Variants in ZCCHC7 observed in about 807,000 individuals in gnomAD.
ZCCHC7 encodes zinc finger CCHC domain-containing protein 7.
Under a neutral mutation model 52.0 loss-of-function variants are expected in ZCCHC7, and 35 were observed. The observed-to-expected ratio is 0.67, with a 90% CI of 0.51 to 0.89. The LOEUF is 0.89. Ranked by LOEUF, ZCCHC7 falls within the 40% of genes least tolerant of loss-of-function variation. The probability of loss-of-function intolerance (pLI) is 0.00; values close to 1 mark genes in which losing one functional copy is unlikely to be tolerated. For synonymous variants in ZCCHC7, 217 were observed against 221.5 expected (o/e 0.98, Z 0.18); for missense variants, 574 against 649.1 (o/e 0.88, Z 1.26).
Position 37,305,554 on chromosome 9 carries a change from G to A in ZCCHC7, c.791G>A (p.Arg264His). ...KNCPLPRKVR[R>H]CFLCSRRGHL... ...TTTTTCGCCACATAGAAAGTTCGTC[G>A]CTGCTTCCTGTGCTCCAGGAGAGGA... Residue 264 changes from arginine to histidine, a missense_variant, in exon 5 of 9, where the codon CGC (arginine) becomes CAC (histidine). Transcript: ENST00000336755. 11 of 1,613,490 alleles carry A rather than the reference G, an allele frequency of 6.8e-6. 1 individual carries two copies. The highest frequency in any genetic ancestry group is 3.4e-4 in the Middle Eastern group (2 of 5,848).
chr9:37,135,507 G>C (rs1018370055), intron 2 of ZCCHC7, among the ~76,000 whole-genome samples: 6 of 152,208 alleles, frequency 3.9e-5, no homozygotes, highest in African/African-American at 1.4e-4. Flanking sequence ...CCTGGTTTAT[G>C]ACTGTTATGG....
At chr9:37,345,330 A>C (rs1588701064) in intron 6 of ZCCHC7, among the ~76,000 whole-genome samples, 1 of 152,336 alleles carries the variant, frequency 6.6e-6, no homozygotes, top group African/African-American at 2.4e-5. Context: ...TTGTGGGTGG[A>C]AAATCATTTC....
chr9:37,269,638 A>AAAC (rs1827301261), intron 2 of ZCCHC7, among the ~76,000 whole-genome samples: 2 of 148,802 alleles, frequency 1.3e-5, no homozygotes, highest in African/African-American at 5.0e-5. Context: ...AAAAAAAAAA[A>AAAC]AAAAAAAACA....
At chr9:37,352,002 TGAA>T (rs1315844378) in intron 7 of ZCCHC7, among the ~76,000 whole-genome samples, 1 of 152,218 alleles carries the variant, frequency 6.6e-6, no homozygotes, top group Non-Finnish European at 1.5e-5. Context: ...TTTACACTAA[TGAA>T]GAAGATCATT....
chr9:37,349,304 G>A, intron 6 of ZCCHC7, 53 bp from the exon 7 acceptor site: 2 of 1,572,714 alleles, frequency 1.3e-6, no homozygotes, highest in South Asian at 2.3e-5. Context: ...GAAAGAATGA[G>A]GTTTTAATTT....
At chr9:37,253,746 C>T (rs1826441586) in intron 2 of ZCCHC7, among the ~76,000 whole-genome samples, 1 of 151,880 alleles carries the variant, frequency 6.6e-6, no homozygotes, top group South Asian at 2.1e-4. Context: ...GTCATCACAA[C>T]ATAGATTAAA....
intron 2 of ZCCHC7, chr9:37,205,377 T>A (rs1823849587): frequency 6.2e-6 from 1 of 161,476 alleles, no homozygotes. Context: ...ATTATCAGGT[T>A]CCTCCCTTAC....
rs555350990 is a variant in ZCCHC7 at position 37,348,238 on chromosome 9, A to G, written c.988-1119A>G. On this transcript the variant is annotated intron_variant, in intron 6 of 8. Transcript: ENST00000336755. ...TAAACTTGCTCCTCTTTCTTTTTCT[A>G]CTTTTTCTGAATCAATCCTTGTTCA... Among the ~76,000 whole-genome samples, 7 of 151,974 alleles carry G rather than the reference A, an allele frequency of 4.6e-5. No homozygotes were observed. The East Asian group carries it at 1.4e-3, about 29-fold the overall frequency.
chr9:37,121,736 G>C (rs929881004), intron 1 of ZCCHC7: 29 of 152,190 alleles, frequency 1.9e-4, no homozygotes, highest in African/African-American at 6.5e-4. Flanking sequence ...TTTCCGGATA[G>C]GATTAGTTCT....
chr9:37,201,531 C>G (rs1422998153), intron 2 of ZCCHC7, among the ~76,000 whole-genome samples: 2 of 152,170 alleles, frequency 1.3e-5, no homozygotes, highest in Admixed American at 6.5e-5. Flanking sequence ...GTTTTCTATG[C>G]TATTTTATTT....
At chr9:37,251,816 A>G (rs1443921400) in intron 2 of ZCCHC7, among the ~76,000 whole-genome samples, 1 of 152,176 alleles carries the variant, frequency 6.6e-6, no homozygotes, top group Non-Finnish European at 1.5e-5. Flanking sequence ...ACTAGAGAGT[A>G]TCACCAGTAT....
rs60166399 is a variant in ZCCHC7, at chr9:37,249,456, C to CT, written c.611-52712dup. 3.8e-3 allele frequency among the ~76,000 whole-genome samples: 425 copies of CT among 111,244 alleles called. 7 individuals are homozygous for CT. Among genetic ancestry groups the CT allele is most frequent in the East Asian group, 0.013 (54 of 4,290 alleles). 73.0% of individuals were successfully genotyped at this position (111,244 alleles called of 152,430 possible). On this transcript the variant is annotated intron_variant, in intron 2 of 8. Transcript: ENST00000336755. ...TTGTACTTATATTTTCTTCTTCTTC[C>CT]TTTTTTTTTTTTTTTTTTTTATTTG...
At chr9:37,240,749 C>T (rs1379307670) in intron 2 of ZCCHC7, among the ~76,000 whole-genome samples, 1 of 151,722 alleles carries the variant, frequency 6.6e-6, no homozygotes, top group Admixed American at 6.6e-5. Context: ...GCATACTTTA[C>T]GTCATTTCTT....
chr9:37,203,828 T>C (rs957197886), intron 2 of ZCCHC7, among the ~76,000 whole-genome samples: 1 of 152,198 alleles, frequency 6.6e-6, no homozygotes, highest in African/African-American at 2.4e-5. Context: ...TACCGAGTAA[T>C]GGAATTGCTG....
chr9:37,282,231 T>C (rs1346176102), intron 2 of ZCCHC7, among the ~76,000 whole-genome samples: 1 of 152,220 alleles, frequency 6.6e-6, no homozygotes, highest in African/African-American at 2.4e-5. Context: ...TGAATGTACT[T>C]AATACCACTG....
Position 37,120,584 on chromosome 9 carries a change from T to A in ZCCHC7, c.-61T>A. Reference sequence around the variant, plus strand: ...CGCCCCTCCCCGTCCCTCTACGCGTTTTGGTTCCCGGTTGGTGCTTCCTGT... The same window carrying A: ...CGCCCCTCCCCGTCCCTCTACGCGTATTGGTTCCCGGTTGGTGCTTCCTGT... On this transcript the variant is annotated 5_prime_UTR_variant, in exon 1 of 9. Coordinates refer to ENST00000336755, the MANE Select transcript of ZCCHC7 (RefSeq NM_032226.3). 1 of 398,974 alleles carries A rather than the reference T, an allele frequency of 2.5e-6. No homozygotes were observed. Among genetic ancestry groups the A allele is most frequent in the Non-Finnish European group, 4.4e-6 (1 of 226,104 alleles). The allele number at this position is 398,974 out of a possible 1,614,324, so 24.7% of individuals were successfully genotyped here.
At chr9:37,161,580 AAAAAG>A (rs1024218852) in intron 2 of ZCCHC7, among the ~76,000 whole-genome samples, 4 of 152,122 alleles carry the variant, frequency 2.6e-5, no homozygotes, top group South Asian at 4.1e-4. Flanking sequence ...GTCTCAAAAA[AAAAAG>A]AAAAAAAAGT....
At chr9:37,272,592 A>G (rs1827479912) in intron 2 of ZCCHC7, among the ~76,000 whole-genome samples, 2 of 151,428 alleles carry the variant, frequency 1.3e-5, no homozygotes, top group South Asian at 4.2e-4. Flanking sequence ...TCTTTCATAT[A>G]TATGTGAATA....
intron 2 of ZCCHC7, chr9:37,205,194 C>T: frequency 2.7e-6 from 1 of 377,214 alleles, no homozygotes; most frequent in Non-Finnish European, 5.2e-6. Context: ...TACAACAATG[C>T]CAACAGCGTG....
Sources: allele counts gnomAD v4.1 joint callset (sites outside exome capture counted in the v4.1 genomes callset), GRCh38; gene constraint gnomAD v4.1.1; transcripts MANE v1.5; gene names NCBI Gene and HGNC (gene_info 2026-07-23, HGNC 2026-07-21).